The following TACR3 variants were observed in gnomAD, a reference collection of about 807,000 sequenced individuals.
TACR3 encodes the protein tachykinin receptor 3.
A neutral mutation model predicts 35.0 loss-of-function variants in TACR3; 34 were observed. The ratio of observed to expected loss-of-function variants is 0.97; its 90% CI spans 0.74 to 1.30. TACR3 has a LOEUF of 1.30. TACR3 is among the 50% of genes most tolerant of loss of function. TACR3 has a pLI of 0.00. For synonymous variants in TACR3, 233 were observed against 221.1 expected, an observed-to-expected ratio of 1.05 and a Z score of -0.48; for missense variants, 558 against 591.7, an observed-to-expected ratio of 0.94 and a Z score of 0.59.
intron 3 of TACR3, among the ~76,000 whole-genome samples, chr4:103,655,720 G>A (rs1471075960): frequency 6.6e-6 from 1 of 151,984 alleles, no homozygotes; most frequent in African/African-American, 2.4e-5. Flanking sequence ...GAGAAAGTGA[G>A]AGAGAAATAA....
At chr4:103,680,285 A>C (rs1726262594) in intron 1 of TACR3, among the ~76,000 whole-genome samples, 1 of 151,710 alleles carries the variant, frequency 6.6e-6, no homozygotes, top group South Asian at 2.1e-4. Context: ...TACAGAACAG[A>C]AAGAAAATGG....
Position 103,589,552 on chromosome 4 carries a change from G to T in TACR3, c.*130C>A. ...ATTTATACACTACCTTTCTCAATTT[G>T]ACCATAGCTGCCTAAAAATTGCTTT... On this transcript the variant is annotated 3_prime_UTR_variant, in exon 5 of 5. Coordinates refer to ENST00000304883, the MANE Select transcript of TACR3 (RefSeq NM_001059.3). 1 of 969,698 alleles carries T rather than the reference G, an allele frequency of 1.0e-6. No homozygotes were observed. The highest frequency in any genetic ancestry group is 1.6e-6 in the Non-Finnish European group (1 of 634,106). The allele number at this position is 969,698 out of a possible 1,614,324, so 60.1% of individuals were successfully genotyped here. A position where few individuals can be genotyped will look rare whatever the true frequency, so the allele number is the denominator to read the frequency against.
intron 1 of TACR3, among the ~76,000 whole-genome samples, chr4:103,681,958 T>A (rs2077106268): frequency 6.6e-6 from 1 of 152,030 alleles, no homozygotes; most frequent in African/African-American, 2.4e-5. Context: ...AAGAGAAAAA[T>A]TTCCAAACTT....
intron 3 of TACR3, among the ~76,000 whole-genome samples, chr4:103,642,522 T>C (rs1725377630): frequency 6.6e-6 from 1 of 151,752 alleles, no homozygotes; most frequent in Non-Finnish European, 1.5e-5. Context: ...TAGATGGAAC[T>C]GGAGGACATT....
chr4:103,680,443 C>A (rs1443492835), intron 1 of TACR3, among the ~76,000 whole-genome samples: 2 of 148,320 alleles, frequency 1.3e-5, no homozygotes, highest in Non-Finnish European at 3.0e-5. Context: ...TGGTAACAAT[C>A]CATTAGAAAG....
At chr4:103,623,940 T>A (rs1164973488) in intron 3 of TACR3, among the ~76,000 whole-genome samples, 2 of 152,166 alleles carry the variant, frequency 1.3e-5, no homozygotes, top group African/African-American at 4.8e-5. Context: ...GGTATTTTGT[T>A]TTAAAGTAAA....
chr4:103,675,860 A>AT (rs1726159097), intron 1 of TACR3, among the ~76,000 whole-genome samples: 1 of 151,992 alleles, frequency 6.6e-6, no homozygotes, highest in African/African-American at 2.4e-5. Context: ...AGTGGAGGGG[A>AT]GGGGGCAGAG....
At chr4:103,677,607 A>G (rs899888522) in intron 1 of TACR3, among the ~76,000 whole-genome samples, 2 of 152,214 alleles carry the variant, frequency 1.3e-5, no homozygotes, top group Admixed American at 6.5e-5. Context: ...ATGCAGGAAC[A>G]GAAAACCAAA....
chr4:103,597,475 T>A (rs1311305113), intron 3 of TACR3, among the ~76,000 whole-genome samples: 6 of 152,112 alleles, frequency 3.9e-5, no homozygotes, highest in African/African-American at 1.4e-4. Flanking sequence ...ATTATTATAC[T>A]TTAAGTTTTA....
At chr4:103,715,539 A>G (rs1293676275) in intron 1 of TACR3, among the ~76,000 whole-genome samples, 1 of 152,130 alleles carries the variant, frequency 6.6e-6, no homozygotes, top group Non-Finnish European at 1.5e-5. Flanking sequence ...ACCCAGTCTC[A>G]GGTATATCTT....
chr4:103,687,301 G>A (rs1211861879), intron 1 of TACR3, among the ~76,000 whole-genome samples: 1 of 151,980 alleles, frequency 6.6e-6, no homozygotes, highest in African/African-American at 2.4e-5. Flanking sequence ...TGCTGAATGG[G>A]CAAAAACTGG....
At chr4:103,590,591 T>TG (rs1723872070) in intron 4 of TACR3, among the ~76,000 whole-genome samples, 1 of 35,552 alleles carries the variant, frequency 2.8e-5, no homozygotes, top group Admixed American at 2.7e-4. Context: ...ATGCAATTAG[T>TG]GAAAAAAAAA....
At chr4:103,711,812 C>T (rs1252811754) in intron 1 of TACR3, among the ~76,000 whole-genome samples, 5 of 152,112 alleles carry the variant, frequency 3.3e-5, no homozygotes, top group African/African-American at 7.2e-5. Flanking sequence ...GATACAAAAT[C>T]GATGTGCAAA....
intron 3 of TACR3, among the ~76,000 whole-genome samples, chr4:103,637,321 G>A (rs1418906666): frequency 6.6e-6 from 1 of 152,066 alleles, no homozygotes; most frequent in African/African-American, 2.4e-5. Flanking sequence ...CATATAAACA[G>A]AACCAACGAC....
rs185905782 is a variant in TACR3, at chr4:103,707,280, A to G, written c.548+11848T>C. 1.2e-3 allele frequency among the ~76,000 whole-genome samples: 179 copies of G among 151,088 alleles called. 1 individual carries two copies. The highest frequency in any genetic ancestry group is 4.2e-3 in the African/African-American group (171 of 41,200). On this transcript the variant is annotated intron_variant, in intron 1 of 4. Transcript: ENST00000304883. ...TTACTAATTTTACATACTTTTTTGT[A>G]TAATTATCAAGAGACTCAGAGACAT...
At chr4:103,640,128 A>C (rs1439855260) in intron 3 of TACR3, among the ~76,000 whole-genome samples, 1 of 152,010 alleles carries the variant, frequency 6.6e-6, no homozygotes, top group Non-Finnish European at 1.5e-5. Context: ...GTATTTTATA[A>C]ATAAGAAAAT....
chr4:103,644,653 T>G (rs1346274007), intron 3 of TACR3, among the ~76,000 whole-genome samples: 1 of 151,710 alleles, frequency 6.6e-6, no homozygotes, highest in African/African-American at 2.4e-5. Flanking sequence ...AATTTAAAAA[T>G]TTTTTTCTAG....
At chr4:103,649,668 C>T in intron 3 of TACR3, among the ~76,000 whole-genome samples, 1 of 151,990 alleles carries the variant, frequency 6.6e-6, no homozygotes, top group East Asian at 1.9e-4. Flanking sequence ...TTTTTCAACT[C>T]CAGCAATTTT....
rs1255970973 is a variant in TACR3 at position 103,586,340 on chromosome 4, T to C, written c.*3342A>G. 6.6e-6 allele frequency: 1 copy of C among 152,004 alleles called. No homozygotes were observed. The highest frequency in any genetic ancestry group is 2.4e-5 in the African/African-American group (1 of 41,406). 9.4% of individuals were successfully genotyped at this position (152,004 alleles called of 1,614,324 possible). On this transcript the variant is annotated 3_prime_UTR_variant, in exon 5 of 5. Transcript: ENST00000304883. The stretch of plus-strand genomic sequence containing the variant: ...ACCTTATTGTTCTACATGGTCCATG[T>C]CATTCTGGATTTCCTTAGCTTTTGA...
Sources: allele counts gnomAD v4.1 joint callset (sites outside exome capture counted in the v4.1 genomes callset), GRCh38; gene constraint gnomAD v4.1.1; transcripts MANE v1.5; gene names NCBI Gene and HGNC (gene_info 2026-07-23, HGNC 2026-07-21).